LITAF: variants seen among roughly 807,000 people sequenced by gnomAD.
LITAF encodes lipopolysaccharide-induced tumor necrosis factor-alpha factor.
A neutral mutation model predicts 14.5 loss-of-function variants in LITAF; 9 were observed. The observed-to-expected ratio is 0.62, with a 90% CI of 0.37 to 1.08. The LOEUF (loss-of-function observed/expected upper bound fraction) is 1.08. Among genes scored for constraint, LITAF ranks in the 50% least tolerant of loss-of-function variants. The pLI, the probability that LITAF is intolerant of heterozygous loss-of-function variation, is 0.01. For missense variants in LITAF, 206 were observed against 213.4 expected (o/e 0.97, Z 0.22); for synonymous variants, 98 against 88.2 (o/e 1.11, Z -0.62).
At chr16:11,624,555 G>A (rs1180171381) in intron 3 of LITAF, among the ~76,000 whole-genome samples, 1 of 152,224 alleles carries the variant, frequency 6.6e-6, no homozygotes, top group Non-Finnish European at 1.5e-5. Context: ...GAATAGGTGA[G>A]TTCTATGACA....
At position 11,630,560 on chromosome 16, in the gene LITAF, C is replaced by T. The variant is rs976314055; in HGVS notation, c.85+2973G>A. 2.7e-5 allele frequency among the ~76,000 whole-genome samples: 4 copies of T among 147,644 alleles called. No homozygotes were observed. The Admixed American group carries it at 2.8e-4, about 10-fold the overall frequency. On this transcript the variant is annotated intron_variant, in intron 3 of 3. Transcript: ENST00000574848. ...GGCGGCAGTGCCTTCCCCTACCTGC[C>T]CCTGGCCAACTTTTTTTTTTTTTTT...
chr16:11,591,669 C>G (rs1391073428), upstream of LITAF, among the ~76,000 whole-genome samples: 1 of 151,966 alleles, frequency 6.6e-6, no homozygotes, highest in African/African-American at 2.4e-5. Flanking sequence ...GAGACAGAGT[C>G]TCACTCCGTC....
At chr16:11,577,148 C>A (rs540464487) in intron 1 of LITAF, among the ~76,000 whole-genome samples, 1 of 152,258 alleles carries the variant, frequency 6.6e-6, no homozygotes, top group African/African-American at 2.4e-5. Flanking sequence ...TATTACGTTA[C>A]TCTCTGCCCA....
At chr16:11,601,450 A>C (rs1159705478), upstream of LITAF, among the ~76,000 whole-genome samples, 1 of 152,220 alleles carries the variant, frequency 6.6e-6, no homozygotes, top group Non-Finnish European at 1.5e-5. Context: ...AACCAGGGTA[A>C]GGTTAGCTAC....
At position 11,586,638 on chromosome 16, in the gene LITAF, G is replaced by C. The variant is rs2064811085; in HGVS notation, c.-6+248C>G. ...CGCCACGCGCGATCGGGCCACTCTG[G>C]GACGCAGGAGCTGAACCCAACCGGA... On this transcript the variant is annotated intron_variant, in intron 1 of 3. Coordinates refer to ENST00000622633, the MANE Select transcript of LITAF (RefSeq NM_001136472.2). This position sits in a 1 kb window ranked among gnomAD's most constrained non-coding sequence, Gnocchi z 6.5. 6.6e-6 allele frequency among the ~76,000 whole-genome samples: 1 copy of C among 151,820 alleles called. No homozygotes were observed. Among genetic ancestry groups the C allele is most frequent in the Non-Finnish European group, 1.5e-5 (1 of 67,846 alleles).
chr16:11,587,340 C>G (rs1037314036), upstream of LITAF: 2 of 451,392 alleles, frequency 4.4e-6, no homozygotes, highest in South Asian at 3.1e-5. Flanking sequence ...CCACCAACCT[C>G]GACCCCGGAC....
At chr16:11,623,360 C>T (rs1247470307) in intron 3 of LITAF, among the ~76,000 whole-genome samples, 1 of 151,942 alleles carries the variant, frequency 6.6e-6, no homozygotes. Context: ...AGCACAAATG[C>T]CATCATCAAG....
At chr16:11,563,111 A>G (rs1025402371) in intron 1 of LITAF, among the ~76,000 whole-genome samples, 1 of 151,898 alleles carries the variant, frequency 6.6e-6, no homozygotes, top group Admixed American at 6.6e-5. Context: ...CCTGGGTGAC[A>G]GAGTGAGACC....
chr16:11,564,249 C>T (rs547361780), intron 1 of LITAF, among the ~76,000 whole-genome samples: 2 of 152,014 alleles, frequency 1.3e-5, no homozygotes, highest in South Asian at 2.1e-4. Context: ...CCCAGGAACC[C>T]GCAGGGAGAA....
chr16:11,568,862 G>A (rs2064499022), intron 1 of LITAF, among the ~76,000 whole-genome samples: 1 of 151,778 alleles, frequency 6.6e-6, no homozygotes, highest in African/African-American at 2.4e-5. Context: ...GTATTTTTAG[G>A]AGGGACAGGG....
intron 3 of LITAF, among the ~76,000 whole-genome samples, chr16:11,626,813 A>G (rs957802345): frequency 5.3e-5 from 8 of 151,878 alleles, no homozygotes; most frequent in African/African-American, 1.9e-4. Flanking sequence ...CTATATTTTT[A>G]TTTAATGTGC....
chr16:11,625,210 C>T, intron 3 of LITAF, among the ~76,000 whole-genome samples: 1 of 151,456 alleles, frequency 6.6e-6, no homozygotes, highest in East Asian at 1.9e-4. Flanking sequence ...CTCTGAAGGT[C>T]ACTGTGGTCC....
rs750180727 is a variant in LITAF at position 11,548,358 on chromosome 16, T to C, written c.*1279A>G. ...TGTCTTCTCATGTTTTACAACAAGC[T>C]GTGTCTCTGAAAACTAAAATCAGAC... On this transcript the variant is annotated 3_prime_UTR_variant, in exon 4 of 4. Coordinates refer to ENST00000622633, the MANE Select transcript of LITAF (RefSeq NM_001136472.2). 1 of 454,100 alleles carries C rather than the reference T, an allele frequency of 2.2e-6. No homozygotes were observed. The highest frequency in any genetic ancestry group is 1.6e-5 in the South Asian group (1 of 64,466). 28.1% of individuals were successfully genotyped at this position (454,100 alleles called of 1,614,324 possible).
At chr16:11,640,231 G>A (rs1030961024), upstream of LITAF, among the ~76,000 whole-genome samples, 7 of 152,164 alleles carry the variant, frequency 4.6e-5, no homozygotes, top group African/African-American at 9.6e-5. Context: ...GCACATGTTC[G>A]TGGAGCGACT....
Position 11,579,729 on chromosome 16 carries a change from C to A in LITAF, c.-6+7157G>T, listed in dbSNP as rs555294544. Among the ~76,000 whole-genome samples the A allele has an allele frequency of 9.2e-5, 14 of 152,216 alleles. No homozygotes were observed. In the South Asian group the frequency reaches 2.9e-3, roughly 32 times the overall value. Reference sequence around the variant, plus strand: ...AACCAGGAACTGGGTGAGGAACTCCCTGTACTAACTTCACAACTTTCTTGC... The same window carrying A: ...AACCAGGAACTGGGTGAGGAACTCCATGTACTAACTTCACAACTTTCTTGC... On this transcript the variant is annotated intron_variant, in intron 1 of 3. Coordinates refer to ENST00000622633, the MANE Select transcript of LITAF (RefSeq NM_001136472.2).
upstream of LITAF, among the ~76,000 whole-genome samples, chr16:11,589,901 G>C (rs1245195063): frequency 2.8e-5 from 4 of 144,506 alleles, no homozygotes; most frequent in Non-Finnish European, 4.5e-5. Context: ...TGGGATTACA[G>C]GTGTGAGGCA....
At chr16:11,551,371 G>A (rs867396087) in intron 3 of LITAF, among the ~76,000 whole-genome samples, 10 of 152,202 alleles carry the variant, frequency 6.6e-5, no homozygotes, top group East Asian at 1.9e-4. Flanking sequence ...CCGCACCCCC[G>A]TCTACAGATG....
chr16:11,568,673 G>GT (rs374757371), intron 1 of LITAF, among the ~76,000 whole-genome samples: 2,728 of 116,350 alleles, frequency 0.023, 60 homozygotes, highest in Non-Finnish European at 0.033. Flanking sequence ...GTACACCCTT[G>GT]TTTTTTTTTG....
chr16:11,596,272 G>A (rs546151309), intron 1 of LITAF, among the ~76,000 whole-genome samples: 2 of 152,042 alleles, frequency 1.3e-5, no homozygotes, highest in Admixed American at 1.3e-4. Context: ...CCTGCTTCAG[G>A]GCAGGGGCCC....
Sources: gnomAD v4.1 joint callset for allele counts (sites outside exome capture counted in the v4.1 genomes callset) on GRCh38, gnomAD v4.1.1 for gene constraint, Gnocchi (gnomAD v3.1) non-coding constraint, MANE v1.5 for transcripts, NCBI Gene and HGNC (gene_info 2026-07-23, HGNC 2026-07-21) for gene names.